Variants in LNX1 observed in about 807,000 individuals in gnomAD.
The protein encoded by LNX1 is ligand of numb-protein X 1, also known as E3 ubiquitin-protein ligase LNX.
A neutral mutation model predicts 68.4 loss-of-function variants in LNX1; 54 were observed. The ratio of observed to expected loss-of-function variants is 0.79; its 90% CI spans 0.63 to 0.99. The LOEUF (loss-of-function observed/expected upper bound fraction) is 0.99, where lower values mean the gene tolerates loss of function less well. Ranked by LOEUF, LNX1 falls within the 50% of genes least tolerant of loss-of-function variation. The pLI is 0.00. For missense variants in LNX1, 906 were observed against 926.4 expected (o/e 0.98, Z 0.29); for synonymous variants, 336 against 350.0 (o/e 0.96, Z 0.45).
chr4:53,572,686 A>C (rs1446421772), intron 2 of LNX1, among the ~76,000 whole-genome samples: 2 of 152,224 alleles, frequency 1.3e-5, no homozygotes, highest in East Asian at 1.9e-4. Context: ...ATGTCCAAGA[A>C]CATGACAATG....
chr4:53,582,158 A>G (rs1731876412), intron 1 of LNX1, among the ~76,000 whole-genome samples: 1 of 152,064 alleles, frequency 6.6e-6, no homozygotes. Context: ...GGATCTTGAT[A>G]TTTTCCTTTT....
intron 1 of LNX1, 57 bp from the exon 2 acceptor site, chr4:53,574,145 T>C: frequency 7.8e-7 from 1 of 1,278,054 alleles, no homozygotes; most frequent in Non-Finnish European, 1.0e-6. Flanking sequence ...GGCTTATGCT[T>C]ATGGTAGACA....
chr4:53,578,257 C>T (rs1731620772), intron 1 of LNX1, among the ~76,000 whole-genome samples: 1 of 152,156 alleles, frequency 6.6e-6, no homozygotes, highest in Admixed American at 6.5e-5. Flanking sequence ...TCATGTGTTG[C>T]TTAATGATGG....
At chr4:53,587,313 G>T (rs578068827) in intron 1 of LNX1, among the ~76,000 whole-genome samples, 3 of 152,188 alleles carry the variant, frequency 2.0e-5, no homozygotes, top group South Asian at 2.1e-4. Flanking sequence ...ACATTTTATG[G>T]TTTTTTTATG....
intron 2 of LNX1, chr4:53,523,375 C>T (rs1727376260): frequency 1.3e-5 from 2 of 152,304 alleles, no homozygotes. Flanking sequence ...CAACCTCTGC[C>T]TCCCAGGTTC....
At chr4:53,634,550 C>T (rs914799790) in intron 1 of LNX1, among the ~76,000 whole-genome samples, 4 of 151,992 alleles carry the variant, frequency 2.6e-5, no homozygotes, top group Admixed American at 2.0e-4. Context: ...AGGCTCAGCT[C>T]GGTTTTCTAT....
intron 9 of LNX1, among the ~76,000 whole-genome samples, chr4:53,472,992 G>A (rs1239634163): frequency 6.6e-6 from 1 of 152,144 alleles, no homozygotes; most frequent in Non-Finnish European, 1.5e-5. Flanking sequence ...GCACCTTCTG[G>A]AGTGATTTTC....
At chr4:53,610,626 T>G (rs1181375791) in intron 2 of LNX1, among the ~76,000 whole-genome samples, 1 of 147,232 alleles carries the variant, frequency 6.8e-6, no homozygotes, top group Non-Finnish European at 1.5e-5. Context: ...GAGAATGGCG[T>G]GAACCCGGGA....
intron 2 of LNX1, among the ~76,000 whole-genome samples, chr4:53,564,765 G>A (rs976074426): frequency 2.0e-5 from 3 of 152,100 alleles, no homozygotes; most frequent in African/African-American, 4.8e-5. Context: ...GCCAGACAGT[G>A]GGCGCAGGTC....
chr4:53,501,299 T>TTTTTTTTGGGGGG (rs56165716), intron 4 of LNX1, among the ~76,000 whole-genome samples: 1 of 38,792 alleles, frequency 2.6e-5, no homozygotes, highest in African/African-American at 6.2e-5. Flanking sequence ...TTTTTTTTTT[T>TTTTTTTTGGGGGG]GGGGGTGGGG....
chr4:53,495,302 C>A (rs1724969947), intron 6 of LNX1, among the ~76,000 whole-genome samples: 1 of 151,852 alleles, frequency 6.6e-6, no homozygotes, highest in Admixed American at 6.6e-5. Flanking sequence ...CAACAGTGAC[C>A]CTGACGAAGT....
In LNX1 at chr4:53,576,234, G is replaced by A. The variant is rs150444471; in HGVS notation, c.-86-2146C>T. 3.8e-4 allele frequency: 618 copies of A among 1,606,328 alleles called. 2 individuals carry two copies. The African/African-American group carries it at 7.1e-3, about 19-fold the overall frequency. On this transcript the variant is annotated intron_variant, in intron 1 of 10. Coordinates refer to ENST00000263925, the MANE Select transcript of LNX1 (RefSeq NM_001126328.3). Reference sequence around the variant, plus strand: ...GTGCCCTGGCTCGCTTCCTGCAGCCGAGGGTCCTGATGCAGCTGAAGCTTT... The same window carrying A: ...GTGCCCTGGCTCGCTTCCTGCAGCCAAGGGTCCTGATGCAGCTGAAGCTTT...
intron 1 of LNX1, among the ~76,000 whole-genome samples, chr4:53,642,216 C>A: frequency 7.5e-6 from 1 of 132,750 alleles, no homozygotes. Flanking sequence ...AGAGCAAAAT[C>A]CTATCTTAAA....
chr4:53,601,208 T>C (rs1307184087), intron 2 of LNX1, among the ~76,000 whole-genome samples: 2 of 152,202 alleles, frequency 1.3e-5, no homozygotes, highest in Non-Finnish European at 1.5e-5. Context: ...AGGAGAAGTG[T>C]TATTAACTAG....
intron 2 of LNX1, among the ~76,000 whole-genome samples, chr4:53,563,973 G>A (rs1560668260): frequency 6.6e-6 from 1 of 152,238 alleles, no homozygotes; most frequent in African/African-American, 2.4e-5. Flanking sequence ...GGAAGCAGAA[G>A]TGTGGAGGCT....
At chr4:53,595,529 T>C (rs1732709524), upstream of LNX1, among the ~76,000 whole-genome samples, 1 of 152,228 alleles carries the variant, frequency 6.6e-6, no homozygotes, top group Non-Finnish European at 1.5e-5. Flanking sequence ...GGCAACCACA[T>C]GATCTTTCTC....
At chr4:53,552,900 C>T (rs533692696) in intron 2 of LNX1, among the ~76,000 whole-genome samples, 1 of 151,468 alleles carries the variant, frequency 6.6e-6, no homozygotes, top group Admixed American at 6.6e-5. Context: ...CTGACCAGCA[C>T]AATGACAATC....
At chr4:53,562,073 G>T (rs555050897) in intron 2 of LNX1, among the ~76,000 whole-genome samples, 1 of 152,298 alleles carries the variant, frequency 6.6e-6, no homozygotes, top group African/African-American at 2.4e-5. Flanking sequence ...CTTTCATTCA[G>T]GGCCTGACCT....
intron 9 of LNX1, among the ~76,000 whole-genome samples, chr4:53,465,863 T>C (rs1427460754): frequency 7.2e-5 from 11 of 152,210 alleles, no homozygotes; most frequent in Admixed American, 7.2e-4. Context: ...CACAAATACC[T>C]TGGCAATGTG....
Sources: gnomAD v4.1 joint callset for allele counts (sites outside exome capture counted in the v4.1 genomes callset) on GRCh38, gnomAD v4.1.1 for gene constraint, MANE v1.5 for transcripts, NCBI Gene and HGNC (gene_info 2026-07-23, HGNC 2026-07-21) for gene names.